Variants in ABR observed in about 807,000 individuals in gnomAD.
ABR encodes the protein ABR activator of RhoGEF and GTPase.
ABR carries 35 observed loss-of-function variants against 107.2 expected under a neutral mutation model. The observed-to-expected ratio is 0.33, with a 90% CI of 0.25 to 0.43. ABR has a LOEUF of 0.43. Ranked by LOEUF, ABR falls within the 20% of genes least tolerant of loss-of-function variation. The pLI is 1.00. For synonymous variants in ABR, 498 were observed against 462.0 expected (o/e 1.08, Z -1.00); for missense variants, 815 against 1,115.2 (o/e 0.73, Z 3.83).
intron 10 of ABR, among the ~76,000 whole-genome samples, chr17:1,064,493 CTGT>C (rs1275720928): frequency 6.5e-5 from 7 of 108,452 alleles, no homozygotes; most frequent in East Asian, 2.7e-4. Flanking sequence ...CCTCTAGACA[CTGT>C]TGTTATGTGA....
Position 1,027,976 on chromosome 17 carries a change from T to A in ABR, c.1792-14812A>T, listed in dbSNP as rs9912878. ...GGCCAAGTGAGTGGTAGAGTGAACC[T>A]CTGGGGTGTGCACGTGGTCTGCACA... On this transcript the variant is annotated intron_variant, in intron 16 of 22. Transcript: ENST00000302538. The surrounding 1 kb of genome is among the most constrained non-coding windows in gnomAD (Gnocchi z 4.7). Among the ~76,000 whole-genome samples, 9,280 of 151,938 alleles carry A rather than the reference T, an allele frequency of 0.061. 396 individuals carry two copies. The highest frequency in any genetic ancestry group is 0.11 in the East Asian group (566 of 5,156).
intron 1 of ABR, among the ~76,000 whole-genome samples, chr17:1,204,901 C>CTTTTTTTTTTTTTTTTTTT (rs869034249): frequency 3.1e-5 from 1 of 32,120 alleles, no homozygotes; most frequent in Admixed American, 5.6e-4. Context: ...TTTTCTTTTT[C>CTTTTTTTTTTTTTTTTTTT]TTTTTTTTTT....
chr17:1,100,579 G>C (rs1473375346), intron 3 of ABR, 58 bp downstream of exon 3: 1 of 1,520,552 alleles, frequency 6.6e-7, no homozygotes, highest in African/African-American at 1.4e-5. Context: ...TTCAGAGCAT[G>C]ACATCACCCA....
chr17:1,201,929 G>A (rs909879652), intron 1 of ABR, among the ~76,000 whole-genome samples: 2 of 152,014 alleles, frequency 1.3e-5, no homozygotes, highest in African/African-American at 2.4e-5. Context: ...CGCCCGCGTC[G>A]GCCTCCCAAA....
At chr17:1,056,242 G>T in intron 13 of ABR, 133 bp from the exon 14 acceptor site, 1 of 801,626 alleles carries the variant, frequency 1.2e-6, no homozygotes, top group Non-Finnish European at 2.1e-6. Flanking sequence ...CTGGTGGCCA[G>T]ATGAAAAAGT....
chr17:1,149,182 C>T (rs2040690610), intron 1 of ABR, among the ~76,000 whole-genome samples: 1 of 151,982 alleles, frequency 6.6e-6, no homozygotes, highest in Non-Finnish European at 1.5e-5. Context: ...GGATTACAGG[C>T]GTGAGCTACC....
intron 21 of ABR, among the ~76,000 whole-genome samples, chr17:1,008,538 C>T (rs534468006): frequency 1.6e-4 from 25 of 152,372 alleles, no homozygotes; most frequent in Non-Finnish European, 3.2e-4. Context: ...CCTTCCCACT[C>T]CTCCCCACAA....
At chr17:1,108,054 T>G (rs2038377029) in intron 2 of ABR, among the ~76,000 whole-genome samples, 1 of 152,168 alleles carries the variant, frequency 6.6e-6, no homozygotes, top group South Asian at 2.1e-4. Flanking sequence ...GCCCCGCCGA[T>G]GGGCACTCGG....
At position 1,009,761 on chromosome 17, in the gene ABR, C is replaced by T. The variant is rs1169628654; in HGVS notation, c.2260G>A (p.Glu754Lys). The change falls in exon 21 of 23, where the codon GAA becomes AAA. Residue 754 changes from glutamate to lysine, a missense_variant. By Grantham distance (56) the Glu-to-Lys change is moderately conservative. Around this residue, in one of 5 missense-constraint regions of ABR, gnomAD observed 175 missense variants for 284.3 expected, o/e 0.62. Transcript: ENST00000302538. The stretch of plus-strand genomic sequence containing the variant: ...CGGAGCAGGTGCATCATGCAGTTTT[C>T]CTTGGCAGCAGGGTCTGACAGGGCT... ...GIALSDPAAK[E>K]NCMMHLLRSL... is the part of the protein sequence containing the mutation. 1 of 1,614,072 alleles carries T rather than the reference C, an allele frequency of 6.2e-7. No individual in the cohort carries two copies. Among genetic ancestry groups the T allele is most frequent in the Admixed American group, 1.7e-5 (1 of 60,032 alleles).
At position 1,179,612 on chromosome 17, in the gene ABR, C is replaced by T; in HGVS notation, c.61+55G>A. The stretch of plus-strand genomic sequence containing the variant: ...ATCCCGATCCTGGGGTCCCGATCTC[C>T]ATCCTGGGGTCCCGATCCCGATCCT... On this transcript the variant is annotated intron_variant, in intron 1 of 22. Coordinates refer to ENST00000302538, the MANE Select transcript of ABR (RefSeq NM_021962.5). The surrounding 1 kb of genome is among the most constrained non-coding windows in gnomAD (Gnocchi z 4.9). 1 of 1,443,160 alleles carries T rather than the reference C, an allele frequency of 6.9e-7. No individual in the cohort carries two copies. The highest frequency in any genetic ancestry group is 9.2e-7 in the Non-Finnish European group (1 of 1,088,328). 89.4% of individuals were successfully genotyped at this position (1,443,160 alleles called of 1,614,324 possible).
intron 1 of ABR, among the ~76,000 whole-genome samples, chr17:1,227,621 G>T (rs2043246305): frequency 6.6e-6 from 1 of 150,450 alleles, no homozygotes; most frequent in Admixed American, 6.6e-5. Flanking sequence ...TGGAGATTTT[G>T]GAACAATCCC....
At chr17:1,019,779 T>C (rs1363302389) in intron 16 of ABR, among the ~76,000 whole-genome samples, 3 of 152,236 alleles carry the variant, frequency 2.0e-5, no homozygotes, top group African/African-American at 7.2e-5. Context: ...CCCTGGGACG[T>C]TGGTGGATGG....
In ABR at chr17:1,070,595, G is replaced by A. The variant is rs1200904565; in HGVS notation, c.895-505C>T. 1.3e-5 allele frequency among the ~76,000 whole-genome samples: 2 copies of A among 151,968 alleles called. No individual in the cohort carries two copies. The highest frequency in any genetic ancestry group is 4.8e-5 in the African/African-American group (2 of 41,370). On this transcript the variant is annotated intron_variant, in intron 8 of 22. Transcript: ENST00000302538. The surrounding 1 kb of genome is among the most constrained non-coding windows in gnomAD (Gnocchi z 4.2). ...AGACCCGAGACCCGAGACCCACTCA[G>A]GCCTGTCTGTGCTACTCCTCCCTGG...
In ABR at chr17:1,027,795, G is replaced by A. The variant is rs185781734; in HGVS notation, c.1792-14631C>T. Among the ~76,000 whole-genome samples the A allele has an allele frequency of 3.3e-3, 496 of 152,122 alleles. 2 individuals carry two copies. The highest frequency in any genetic ancestry group is 0.011 in the African/African-American group (477 of 41,508). On this transcript the variant is annotated intron_variant, in intron 16 of 22. Coordinates refer to ENST00000302538, the MANE Select transcript of ABR (RefSeq NM_021962.5). This position sits in a 1 kb window ranked among gnomAD's most constrained non-coding sequence, Gnocchi z 4.7. ...CGCACGATGAAGCTTTCTTCCCACC[G>A]GGAAACAAGGAAGGGCGGTGGGCAG... is the stretch of plus-strand genomic sequence containing the variant.
At chr17:1,015,544 C>T (rs190021948) in intron 16 of ABR, among the ~76,000 whole-genome samples, 118 of 152,058 alleles carry the variant, frequency 7.8e-4, no homozygotes, top group African/African-American at 2.7e-3. Context: ...GCAACCTCCG[C>T]CTCCTGGGTT....
intron 1 of ABR, among the ~76,000 whole-genome samples, chr17:1,220,086 TC>T (rs2043090346): frequency 6.6e-6 from 1 of 151,700 alleles, no homozygotes; most frequent in South Asian, 2.1e-4. Context: ...GGTCAGGAGA[TC>T]GACACCAGCC....
chr17:1,052,344 G>C (rs2032666932), intron 14 of ABR, among the ~76,000 whole-genome samples: 1 of 151,444 alleles, frequency 6.6e-6, no homozygotes, highest in African/African-American at 2.4e-5. Context: ...GGCTGGGGAG[G>C]GCTCACAGGG....
chr17:1,066,451 C>A (rs2034750561), intron 10 of ABR, among the ~76,000 whole-genome samples: 1 of 152,136 alleles, frequency 6.6e-6, no homozygotes, highest in Admixed American at 6.6e-5. Flanking sequence ...TGAGAGGCCT[C>A]CCAGGTCCTT....
chr17:1,078,766 CCA>C lies in ABR; in HGVS notation c.700+562_700+563del. ...CATCTAAGCCCACTCCAGCCGGCCC[CCA>C]GAGGTGGGAGGGTCCGCCACCTCCC... On this transcript the variant is annotated intron_variant, in intron 6 of 22. Transcript: ENST00000302538. This position sits in a 1 kb window ranked among gnomAD's most constrained non-coding sequence, Gnocchi z 7.5. The C allele has an allele frequency of 6.5e-7, 1 of 1,528,656 alleles. No homozygotes were observed. The highest frequency in any genetic ancestry group is 8.8e-7 in the Non-Finnish European group (1 of 1,141,050). The allele number at this position is 1,528,656 out of a possible 1,614,324, so 94.7% of individuals were successfully genotyped here.
Sources: gnomAD v4.1 joint callset for allele counts (sites outside exome capture counted in the v4.1 genomes callset) on GRCh38, gnomAD v4.1.1 for gene constraint, gnomAD v4.1.1 regional missense constraint, Gnocchi (gnomAD v3.1) non-coding constraint, MANE v1.5 for transcripts, NCBI Gene and HGNC (gene_info 2026-07-23, HGNC 2026-07-21) for gene names.